Variants in ZWILCH observed in about 807,000 individuals in gnomAD.
The protein encoded by ZWILCH is protein zwilch homolog.
In ZWILCH, 74 loss-of-function variants were observed where a neutral mutation model predicts 79.9. That is an observed-to-expected ratio of 0.93 (90% CI 0.77 to 1.12). ZWILCH has a LOEUF of 1.12. ZWILCH is among the 50% of genes most tolerant of loss of function. ZWILCH has a pLI of 0.00. For synonymous variants in ZWILCH, 241 were observed against 228.2 expected (o/e 1.06, Z -0.51); for missense variants, 694 against 687.5 (o/e 1.01, Z -0.11).
At chr15:66,506,532 G>C (rs1198691096) in intron 1 of ZWILCH, among the ~76,000 whole-genome samples, 1 of 152,142 alleles carries the variant, frequency 6.6e-6, no homozygotes, top group Non-Finnish European at 1.5e-5. Context: ...AGCCGGGCAT[G>C]GTGGCGGGCA....
chr15:66,518,875 A>G lies in ZWILCH; in HGVS notation c.321-4A>G, dbSNP rs749879727. 31 of 1,613,146 alleles carry G rather than the reference A, an allele frequency of 1.9e-5. No individual in the cohort carries two copies. Among genetic ancestry groups the G allele is most frequent in the Non-Finnish European group, 3.4e-6 (4 of 1,179,268 alleles). ...TATAATTTGTCCTTACTCTTGTTTT[A>G]AAGGCAGTTAATTGGACTTTACACC... is the stretch of plus-strand genomic sequence containing the variant. On this transcript the variant is annotated splice_polypyrimidine_tract_variant and splice_region_variant and intron_variant, in intron 4 of 18. Coordinates refer to ENST00000307897, the MANE Select transcript of ZWILCH (RefSeq NM_017975.5).
At chr15:66,532,614 T>A (rs1348028928) in intron 13 of ZWILCH, among the ~76,000 whole-genome samples, 1 of 152,010 alleles carries the variant, frequency 6.6e-6, no homozygotes, top group African/African-American at 2.4e-5. Flanking sequence ...TAGTTCTTGA[T>A]AATTTATTTG....
intron 6 of ZWILCH, 63 bp downstream of exon 6, chr15:66,520,723 T>G: frequency 1.8e-6 from 2 of 1,124,760 alleles, no homozygotes; most frequent in Non-Finnish European, 2.6e-6. Context: ...CCTTCCTAGT[T>G]TACAGGTTTT....
chr15:66,517,551 C>T (rs72625773), intron 4 of ZWILCH, among the ~76,000 whole-genome samples: 145,968 of 145,968 alleles, frequency 1, 72,984 homozygotes, highest in Non-Finnish European at 1. Context: ...ACTGTGTATT[C>T]TCTATGAACA....
intron 9 of ZWILCH, 56 bp from the exon 10 acceptor site, chr15:66,527,801 G>T: frequency 6.8e-7 from 1 of 1,468,170 alleles, no homozygotes; most frequent in South Asian, 1.2e-5. Context: ...GATTAGGATG[G>T]AAATAATTTG....
In ZWILCH at chr15:66,546,705, G is replaced by A; in HGVS notation, c.*26G>A. 2 of 1,510,078 alleles carry A rather than the reference G, an allele frequency of 1.3e-6. No individual in the cohort carries two copies. Among genetic ancestry groups the A allele is most frequent in the South Asian group, 2.5e-5 (2 of 80,272 alleles). 93.5% of individuals were successfully genotyped at this position (1,510,078 alleles called of 1,614,324 possible). ...AGTGTGCTGATGAAGTCCTCTATAA[G>A]GTATTTATGTTCACATTTTAGTCTC... On this transcript the variant is annotated splice_region_variant and 3_prime_UTR_variant, in exon 18 of 19. Coordinates refer to ENST00000307897, the MANE Select transcript of ZWILCH (RefSeq NM_017975.5).
rs574259380 is a variant in ZWILCH at position 66,540,189 on chromosome 15, C to G, written c.1666C>G (p.His556Asp). ...WQLSDSSPID[H>D]LNFHKPDFSE... The stretch of plus-strand genomic sequence containing the variant: ...ACTGAGTGACAGCTCACCCATAGAC[C>G]ATCTGAATTTTCACAAACCTGGTAA... Residue 556 changes from histidine to aspartate, a missense_variant, in exon 17 of 19, where the codon CAT becomes GAT. His to Asp is a moderately conservative substitution (Grantham distance 81). Coordinates refer to ENST00000307897, the MANE Select transcript of ZWILCH (RefSeq NM_017975.5). The G allele has an allele frequency of 2.5e-6, 4 of 1,611,588 alleles. No individual in the cohort carries two copies. The Admixed American group carries it at 6.7e-5, about 27-fold the overall frequency.
Position 66,549,289 on chromosome 15 carries a change from A to G in ZWILCH, c.*965A>G, listed in dbSNP as rs1018395236. The G allele has an allele frequency of 6.6e-6, 1 of 151,930 alleles. No homozygotes were observed. The highest frequency in any genetic ancestry group is 2.4e-5 in the African/African-American group (1 of 41,214). 9.4% of individuals were successfully genotyped at this position (151,930 alleles called of 1,614,324 possible). ...TTAGTTTAATGGAATATACATTCTTAGTATTGCCTGATTATTTAAATTTGT... is the reference window on the plus strand; with the variant it reads ...TTAGTTTAATGGAATATACATTCTTGGTATTGCCTGATTATTTAAATTTGT... On this transcript the variant is annotated 3_prime_UTR_variant, in exon 19 of 19. Coordinates refer to ENST00000307897, the MANE Select transcript of ZWILCH (RefSeq NM_017975.5).
At chr15:66,507,561 A>G (rs1448926791) in intron 1 of ZWILCH, among the ~76,000 whole-genome samples, 1 of 152,160 alleles carries the variant, frequency 6.6e-6, no homozygotes, top group Non-Finnish European at 1.5e-5. Flanking sequence ...AATTTCTACT[A>G]TAGCTTCCTA....
rs1270930238 is a variant in ZWILCH at position 66,546,630 on chromosome 15, G to A, written c.1727G>A (p.Arg576Lys). Residue 576 changes from arginine to lysine, a missense_variant, in exon 18 of 19, where the codon AGG (arginine) becomes AAG (lysine). Transcript: ENST00000307897. ...ELTLNGSLEE[R>K]IFFTNMVTCS... ...ACACTAAACGGTAGCCTGGAAGAAA[G>A]GATATTCTTTACTAACATGGTTACC... 17 of 1,609,378 alleles carry A rather than the reference G, an allele frequency of 1.1e-5. No homozygotes were observed. The highest frequency in any genetic ancestry group is 1.4e-5 in the Non-Finnish European group (17 of 1,177,998).
intron 2 of ZWILCH, among the ~76,000 whole-genome samples, chr15:66,511,406 T>C (rs752825894): frequency 3.0e-4 from 45 of 151,612 alleles, no homozygotes; most frequent in Non-Finnish European, 4.6e-4. Flanking sequence ...AGCTGGAGGA[T>C]TGCTTGAGTC....
In ZWILCH at chr15:66,548,489, C is replaced by T. The variant is rs1452464768; in HGVS notation, c.*165C>T. 3.2e-6 allele frequency: 5 copies of T among 1,559,248 alleles called. No homozygotes were observed. Among genetic ancestry groups the T allele is most frequent in the South Asian group, 1.1e-5 (1 of 88,838 alleles). On this transcript the variant is annotated 3_prime_UTR_variant, in exon 19 of 19. Coordinates refer to ENST00000307897, the MANE Select transcript of ZWILCH (RefSeq NM_017975.5). ...GAAGCTCCAAAATTGATAATCCTGT[C>T]TCAGCTCTGCCTCCTCAGGAGGAGC...
chr15:66,535,441 T>G (rs1894982802), intron 14 of ZWILCH, among the ~76,000 whole-genome samples: 1 of 152,112 alleles, frequency 6.6e-6, no homozygotes, highest in Non-Finnish European at 1.5e-5. Context: ...TTGGGGAGGC[T>G]GAGGCAGACA....
intron 9 of ZWILCH, 107 bp from the exon 10 acceptor site, chr15:66,527,750 T>C (rs1894722886): frequency 1.1e-6 from 1 of 928,886 alleles, no homozygotes; most frequent in South Asian, 1.5e-5. Context: ...CTAAAATCCT[T>C]AGTTAGACTT....
At position 66,548,589 on chromosome 15, in the gene ZWILCH, G is replaced by A. The variant is rs1233247348; in HGVS notation, c.*265G>A. 7.5e-6 allele frequency: 12 copies of A among 1,604,302 alleles called. No individual in the cohort carries two copies. In the East Asian group the frequency reaches 8.9e-5, roughly 12 times the overall value. ...CCACGATCTCCGTAACCATTTGCATGTGACTTAGCAAGGGCTCTGAAATGA... is the reference window on the plus strand; with the variant it reads ...CCACGATCTCCGTAACCATTTGCATATGACTTAGCAAGGGCTCTGAAATGA... On this transcript the variant is annotated 3_prime_UTR_variant, in exon 19 of 19. Transcript: ENST00000307897.
intron 10 of ZWILCH, 43 bp from the exon 11 acceptor site, chr15:66,528,809 A>T (rs1381207079): frequency 7.6e-7 from 1 of 1,313,824 alleles, no homozygotes; most frequent in Non-Finnish European, 1.1e-6. Context: ...TATTTCACTT[A>T]AAAAAAAAAC....
intron 1 of ZWILCH, chr15:66,505,849 T>C (rs1186908838): frequency 5.7e-6 from 1 of 175,354 alleles, no homozygotes; most frequent in Non-Finnish European, 1.2e-5. Flanking sequence ...TGTTGCATTT[T>C]GAAAACACCT....
At chr15:66,544,724 T>TTTTTTTTTTTTGTGTGTGTGGG (rs145952622) in intron 17 of ZWILCH, among the ~76,000 whole-genome samples, 1 of 128,490 alleles carries the variant, frequency 7.8e-6, no homozygotes, top group Admixed American at 8.5e-5. Flanking sequence ...TTTTTGGTTT[T>TTTTTTTTTTTTGTGTGTGTGGG]TGTGTGTGTG....
chr15:66,535,469 AG>A (rs1047938972), intron 14 of ZWILCH, among the ~76,000 whole-genome samples: 10 of 152,136 alleles, frequency 6.6e-5, no homozygotes, highest in African/African-American at 9.7e-5. Flanking sequence ...TGAGGTCAGG[AG>A]TTTGAGACCA....
Sources: gnomAD v4.1 joint callset for allele counts (sites outside exome capture counted in the v4.1 genomes callset) on GRCh38, gnomAD v4.1.1 for gene constraint, MANE v1.5 for transcripts, NCBI Gene and HGNC (gene_info 2026-07-23, HGNC 2026-07-21) for gene names.